LIMS2: variants seen among roughly 807,000 people sequenced by gnomAD.
The protein encoded by LIMS2 is LIM zinc finger domain containing 2.
A neutral mutation model predicts 45.3 loss-of-function variants in LIMS2; 30 were observed. The ratio of observed to expected loss-of-function variants is 0.66; its 90% CI spans 0.50 to 0.90. The LOEUF is 0.90. Ranked by LOEUF, LIMS2 falls within the 40% of genes least tolerant of loss-of-function variation. The pLI is 0.00. For missense variants in LIMS2, 485 were observed against 468.7 expected, an observed-to-expected ratio of 1.03 and a Z score of -0.32; for synonymous variants, 173 against 188.0, an observed-to-expected ratio of 0.92 and a Z score of 0.65.
At chr2:127,657,797 G>A (rs1032765867) in intron 1 of LIMS2, among the ~76,000 whole-genome samples, 34 of 152,148 alleles carry the variant, frequency 2.2e-4, no homozygotes, top group African/African-American at 8.0e-4. Context: ...CCTTCTTCAG[G>A]GACCAGAGAG....
In LIMS2 at chr2:127,642,009, C is replaced by G; in HGVS notation, c.660+40G>C. 1 of 1,595,378 alleles carries G rather than the reference C, an allele frequency of 6.3e-7. No individual in the cohort carries two copies. The highest frequency in any genetic ancestry group is 2.3e-5 in the East Asian group (1 of 43,960). On this transcript the variant is annotated intron_variant, in intron 6 of 9. Transcript: ENST00000355119. The surrounding 1 kb of genome is among the most constrained non-coding windows in gnomAD (Gnocchi z 5.3). ...CTTACCATGACCCTGAGCTGGGGCA[C>G]CCCCCAACCTGAGGCCACGTGTCCA...
At chr2:127,656,411 C>G (rs989379268) in intron 2 of LIMS2, among the ~76,000 whole-genome samples, 1 of 145,262 alleles carries the variant, frequency 6.9e-6, no homozygotes, top group Non-Finnish European at 1.5e-5. Flanking sequence ...TTTTTTTTTT[C>G]TTTCTTTTTT....
chr2:127,642,971 A>C lies in LIMS2; in HGVS notation c.461T>G (p.Phe154Cys), dbSNP rs781141969. The C allele has an allele frequency of 1.9e-5, 30 of 1,572,182 alleles. No homozygotes were observed. Among genetic ancestry groups the C allele is most frequent in the Non-Finnish European group, 2.4e-5 (28 of 1,158,762 alleles). The change falls in exon 5 of 10, where the codon TTC becomes TGC. Residue 154 changes from phenylalanine to cysteine, a missense_variant. Coordinates refer to ENST00000355119, the MANE Select transcript of LIMS2 (RefSeq NM_001161403.3). The surrounding 1 kb of genome is among the most constrained non-coding windows in gnomAD (Gnocchi z 5.3). Reference protein sequence around the residue: ...HLVIDEQPLMFRSDAYHPDHF... With the variant: ...HLVIDEQPLMCRSDAYHPDHF... ...GTCAGGGTGGTAGGCGTCGCTCCTGAACATGAGGGGCTGCTCGTCGATGAC... is the reference window on the plus strand; with the variant it reads ...GTCAGGGTGGTAGGCGTCGCTCCTGCACATGAGGGGCTGCTCGTCGATGAC...
intron 1 of LIMS2, among the ~76,000 whole-genome samples, chr2:127,660,779 A>G (rs1234619947): frequency 6.6e-6 from 1 of 152,224 alleles, no homozygotes; most frequent in Admixed American, 6.5e-5. Flanking sequence ...GCCTGGCCAC[A>G]CACACTCTCC....
At chr2:127,659,299 T>C (rs887667786) in intron 1 of LIMS2, among the ~76,000 whole-genome samples, 2 of 152,180 alleles carry the variant, frequency 1.3e-5, no homozygotes, top group African/African-American at 2.4e-5. Flanking sequence ...AAAGCCACCA[T>C]GCGAGCCCAC....
intron 1 of LIMS2, among the ~76,000 whole-genome samples, chr2:127,666,024 C>A (rs1684981687): frequency 6.6e-6 from 1 of 152,136 alleles, no homozygotes; most frequent in South Asian, 2.1e-4. Flanking sequence ...TGATTGAGCC[C>A]AAATCCCAAA....
chr2:127,659,702 C>G (rs552483533), intron 1 of LIMS2, among the ~76,000 whole-genome samples: 1 of 152,208 alleles, frequency 6.6e-6, no homozygotes, highest in African/African-American at 2.4e-5. Flanking sequence ...ACCCAGAAAA[C>G]GAAGCCAAAT....
At chr2:127,655,018 G>C (rs1194761333) in intron 2 of LIMS2, 122 bp from the exon 3 acceptor site, 4 of 909,848 alleles carry the variant, frequency 4.4e-6, no homozygotes, top group Middle Eastern at 2.1e-4. Flanking sequence ...GGCATGCCGG[G>C]CTGAGGCTGG....
At chr2:127,641,038 C>A (rs774583558) in intron 6 of LIMS2, 50 bp from the exon 7 acceptor site, 1 of 1,502,850 alleles carries the variant, frequency 6.7e-7, no homozygotes, top group Non-Finnish European at 9.2e-7. Context: ...GAGCGGTGAC[C>A]CCGAGGGACA....
At chr2:127,668,698 A>C (rs6743104) in intron 1 of LIMS2, among the ~76,000 whole-genome samples, 2,900 of 77,774 alleles carry the variant, frequency 0.037, 189 homozygotes, top group South Asian at 0.089. Context: ...AAAAAAAAAA[A>C]AAAAAAAAAA....
In LIMS2 at chr2:127,642,089, C is replaced by T. The variant is rs1242252960; in HGVS notation, c.620G>A (p.Gly207Asp). 5.0e-6 allele frequency: 8 copies of T among 1,610,494 alleles called. No homozygotes were observed. Among genetic ancestry groups the T allele is most frequent in the South Asian group, 1.1e-5 (1 of 90,650 alleles). Residue 207 changes from glycine to aspartate, a missense_variant, in exon 6 of 10, where the codon GGC becomes GAC. Transcript: ENST00000355119. The surrounding 1 kb of genome is among the most constrained non-coding windows in gnomAD (Gnocchi z 5.3). Reference sequence around the variant, plus strand: ...CTTGCCCAGCGCGTTGACCACTCGGCCCTCGATGGGCCGGCGGCAGGCCCC... The same window carrying T: ...CTTGCCCAGCGCGTTGACCACTCGGTCCTCGATGGGCCGGCGGCAGGCCCC... ...ICGACRRPIE[G>D]RVVNALGKQW...
rs1399975607 is a variant in LIMS2 at position 127,640,097 on chromosome 2, G to A, written c.851C>T (p.Ser284Phe). ...KAWCVSCFSC[S>F]TCNSKLTLKN... ...CAGGGTGAGCTTGCTGTTGCAGGTGGAGCAGGAGAAGCAGCTCACACACCA... is the reference window on the plus strand; with the variant it reads ...CAGGGTGAGCTTGCTGTTGCAGGTGAAGCAGGAGAAGCAGCTCACACACCA... Residue 284 changes from serine to phenylalanine, a missense_variant, in exon 9 of 10, where the codon TCC becomes TTC. Coordinates refer to ENST00000355119, the MANE Select transcript of LIMS2 (RefSeq NM_001161403.3). 6 of 1,613,406 alleles carry A rather than the reference G, an allele frequency of 3.7e-6. No homozygotes were observed. Among genetic ancestry groups the A allele is most frequent in the East Asian group, 2.2e-5 (1 of 44,892 alleles).
rs70985469 is a variant in LIMS2, at chr2:127,668,668, C to CAAAAAAAA, written c.11+6338_11+6345dup. ...TGGGTGACAGAGTGAGACTCCGTCT[C>CAAAAAAAA]AAAAAAAAAAAAAAAAAAAAAAAAA... On this transcript the variant is annotated intron_variant, in intron 1 of 9. Transcript: ENST00000355119. 7.3e-3 allele frequency among the ~76,000 whole-genome samples: 126 copies of CAAAAAAAA among 17,264 alleles called. 16 individuals are homozygous for CAAAAAAAA. The highest frequency in any genetic ancestry group is 9.5e-3 in the East Asian group (4 of 420). The allele number at this position is 17,264 out of a possible 152,430, so 11.3% of individuals were successfully genotyped here.
rs1684868495 is a variant in LIMS2, at chr2:127,664,271, T to G, written c.12-6709A>C. 2 of 1,230,132 alleles carry G rather than the reference T, an allele frequency of 1.6e-6. No homozygotes were observed. Among genetic ancestry groups the G allele is most frequent in the Admixed American group, 8.5e-5 (2 of 23,544 alleles). 76.2% of individuals were successfully genotyped at this position (1,230,132 alleles called of 1,614,324 possible). A position where few individuals can be genotyped will look rare whatever the true frequency, so the allele number is the denominator to read the frequency against. ...CCTGCCGCCGCAGCTTTCCGGCCAT[T>G]GTCCCCGCCACCCGCCCCGCCCCTG... On this transcript the variant is annotated intron_variant, in intron 1 of 9. Transcript: ENST00000355119. The surrounding 1 kb of genome is among the most constrained non-coding windows in gnomAD (Gnocchi z 5.5).
At chr2:127,651,765 G>A (rs369774464) in intron 4 of LIMS2, 54 of 1,607,250 alleles carry the variant, frequency 3.4e-5, no homozygotes, top group Admixed American at 5.0e-5. Context: ...AGCGGGGGGC[G>A]CCGTCCAGGC....
At position 127,664,355 on chromosome 2, in the gene LIMS2, C is replaced by G; in HGVS notation, c.12-6793G>C. 1 of 1,219,554 alleles carries G rather than the reference C, an allele frequency of 8.2e-7. No homozygotes were observed. The highest frequency in any genetic ancestry group is 1.0e-6 in the Non-Finnish European group (1 of 980,270). The allele number at this position is 1,219,554 out of a possible 1,614,324, so 75.5% of individuals were successfully genotyped here. Reference sequence around the variant, plus strand: ...CGGTGCTGGCGCCGCCGGTACAGCCCCGACGCGGCCAGCGCACCCAGCCGG... The same window carrying G: ...CGGTGCTGGCGCCGCCGGTACAGCCGCGACGCGGCCAGCGCACCCAGCCGG... On this transcript the variant is annotated intron_variant, in intron 1 of 9. Transcript: ENST00000355119. The surrounding 1 kb of genome is among the most constrained non-coding windows in gnomAD (Gnocchi z 5.5).
intron 1 of LIMS2, among the ~76,000 whole-genome samples, chr2:127,666,441 T>C (rs1282671899): frequency 7.3e-6 from 1 of 136,818 alleles, no homozygotes; most frequent in East Asian, 1.9e-4. Flanking sequence ...CCTAGTCCCT[T>C]ATTCCTGCTC....
chr2:127,659,640 G>C (rs1002522932), intron 1 of LIMS2, among the ~76,000 whole-genome samples: 4 of 152,208 alleles, frequency 2.6e-5, no homozygotes, highest in Non-Finnish European at 5.9e-5. Context: ...AGAGAAGTCG[G>C]AAATCAACAG....
intron 4 of LIMS2, chr2:127,650,116 C>A: frequency 6.5e-7 from 1 of 1,549,796 alleles, no homozygotes; most frequent in Non-Finnish European, 8.8e-7. Flanking sequence ...CAGGGTACAG[C>A]CCTTGCTGCC....
Sources: allele counts gnomAD v4.1 joint callset (sites outside exome capture counted in the v4.1 genomes callset), GRCh38; gene constraint gnomAD v4.1.1; non-coding constraint Gnocchi (gnomAD v3.1); transcripts MANE v1.5; gene names NCBI Gene and HGNC (gene_info 2026-07-23, HGNC 2026-07-21).